Variants in SON observed in about 807,000 individuals in gnomAD.
SON encodes SON DNA and RNA binding protein.
A neutral mutation model predicts 173.3 loss-of-function variants in SON; 4 were observed. That is an observed-to-expected ratio of 0.02 (90% CI 0.01 to 0.05). The LOEUF (loss-of-function observed/expected upper bound fraction) is 0.05. Ranked by LOEUF, SON falls within the 10% of genes least tolerant of loss-of-function variation. The pLI is 1.00. For missense variants in SON, 2,626 were observed against 3,055.3 expected (o/e 0.86, Z 3.31); for synonymous variants, 1,190 against 1,105.9 (o/e 1.08, Z -1.51).
chr21:33,549,081 GTT>G (rs759188167), intron 2 of SON, among the ~76,000 whole-genome samples: 2 of 141,214 alleles, frequency 1.4e-5, no homozygotes. Flanking sequence ...ATACTGTGGG[GTT>G]TTTTTTTTTT....
chr21:33,561,012 A>C (rs2086061176), intron 6 of SON: 1 of 152,178 alleles, frequency 6.6e-6, no homozygotes, highest in Non-Finnish European at 1.5e-5. Context: ...TGATAGCAGT[A>C]CTTTTCTCCC....
In SON at chr21:33,554,051, G is replaced by A; in HGVS notation, c.4820G>A (p.Gly1607Glu). ...TTTGCTCTGGAACCTGATGCAACAG[G>A]AACTAGTAAGGGTATTGAATTTACC... ...GPFALEPDAT[G>E]TSKGIEFTTA... The change falls in exon 3 of 12, where the codon GGA becomes GAA. Residue 1607 changes from glycine to glutamate, a missense_variant. Physicochemically the swap from Gly to Glu is moderately conservative, Grantham distance 98. Around this residue, in one of 13 missense-constraint regions of SON, gnomAD observed 1,006 missense variants for 895.6 expected, o/e 1.12. Transcript: ENST00000356577. The A allele has an allele frequency of 6.2e-7, 1 of 1,614,064 alleles. No individual in the cohort carries two copies.
intron 2 of SON, among the ~76,000 whole-genome samples, chr21:33,547,668 G>A (rs1390227607): frequency 6.8e-6 from 1 of 147,842 alleles, no homozygotes; most frequent in African/African-American, 2.5e-5. Context: ...GTTTTGCTTT[G>A]GCCTATGTCA....
Position 33,553,956 on chromosome 21 carries a change from C to G in SON, c.4725C>G (p.Arg1575=), listed in dbSNP as rs745477787. ...KILPTSETKQ[R]TVLDTYPGVS... is the part of the protein sequence containing the mutation. The stretch of plus-strand genomic sequence containing the variant: ...TGCCCACCAGTGAGACTAAACAGCG[C>G]ACAGTATTGGATACCTACCCTGGTG... Residue 1575 remains arginine (R), a synonymous_variant, in exon 3 of 12, where the codon CGC becomes CGG. Coordinates refer to ENST00000356577, the MANE Select transcript of SON (RefSeq NM_138927.4). 9 of 1,614,110 alleles carry G rather than the reference C, an allele frequency of 5.6e-6. No individual in the cohort carries two copies. The highest frequency in any genetic ancestry group is 7.6e-6 in the Non-Finnish European group (9 of 1,179,996).
Position 33,559,835 on chromosome 21 carries a change from G to A in SON, c.6657+60G>A. 2 of 1,605,040 alleles carry A rather than the reference G, an allele frequency of 1.2e-6. No individual in the cohort carries two copies. Among genetic ancestry groups the A allele is most frequent in the African/African-American group, 1.3e-5 (1 of 74,732 alleles). On this transcript the variant is annotated intron_variant, in intron 6 of 11. Transcript: ENST00000356577. This position sits in a 1 kb window ranked among gnomAD's most constrained non-coding sequence, Gnocchi z 4.1. Reference sequence around the variant, plus strand: ...TTATACCTGAATCTGCCATTTCATTGTTATGTTATGTCTGATTTGGATTCT... The same window carrying A: ...TTATACCTGAATCTGCCATTTCATTATTATGTTATGTCTGATTTGGATTCT...
intron 4 of SON, 41 bp downstream of exon 4, chr21:33,557,357 T>C (rs756304671): frequency 6.2e-7 from 1 of 1,607,012 alleles, no homozygotes; most frequent in East Asian, 2.2e-5. Flanking sequence ...AAATGGATTA[T>C]TCCAGTGATG....
intron 6 of SON, among the ~76,000 whole-genome samples, chr21:33,561,950 T>C (rs1441554286): frequency 6.6e-6 from 1 of 152,184 alleles, no homozygotes; most frequent in East Asian, 1.9e-4. Context: ...TATGTAACTA[T>C]TTGATATAAA....
chr21:33,561,669 C>G (rs1285148175), intron 6 of SON, among the ~76,000 whole-genome samples: 1 of 152,074 alleles, frequency 6.6e-6, no homozygotes, highest in Non-Finnish European at 1.5e-5. Flanking sequence ...AAATTTAGTA[C>G]TCAGCCATTT....
At chr21:33,561,254 T>C (rs1004984121) in intron 6 of SON, among the ~76,000 whole-genome samples, 1 of 152,182 alleles carries the variant, frequency 6.6e-6, no homozygotes, top group Non-Finnish European at 1.5e-5. Context: ...ACCATTTGAG[T>C]TGTTAATCCC....
At chr21:33,566,805 T>A (rs1418628564) in intron 6 of SON, among the ~76,000 whole-genome samples, 1 of 152,094 alleles carries the variant, frequency 6.6e-6, no homozygotes, top group Non-Finnish European at 1.5e-5. Context: ...GTTCAAAAAA[T>A]TTGCAGTTTA....
chr21:33,574,826 G>T (rs1177550701), intron 9 of SON, among the ~76,000 whole-genome samples: 2 of 152,164 alleles, frequency 1.3e-5, no homozygotes, highest in Non-Finnish European at 2.9e-5. Flanking sequence ...GGAGAGAGAG[G>T]TTATGTAGAA....
intron 8 of SON, chr21:33,572,530 C>T: frequency 3.1e-6 from 4 of 1,292,960 alleles, no homozygotes; most frequent in Non-Finnish European, 4.1e-6. Flanking sequence ...TTTCACCCCT[C>T]TGTATGGAAA....
intron 8 of SON, chr21:33,569,570 C>T (rs544175780): frequency 2.2e-6 from 1 of 453,144 alleles, no homozygotes; most frequent in South Asian, 1.6e-5. Context: ...CCACCCGCTT[C>T]ATTAGTGCCT....
chr21:33,569,709 T>G, intron 8 of SON: 1 of 406,134 alleles, frequency 2.5e-6, no homozygotes. Context: ...GCTCTGCATG[T>G]GGTGATCTTG....
At chr21:33,558,950 T>C (rs2086018086) in intron 4 of SON, 1 of 228,032 alleles carries the variant, frequency 4.4e-6, no homozygotes, top group Admixed American at 5.8e-5. Flanking sequence ...GCAGGGACCA[T>C]GTCTTCTACT....
Position 33,573,431 on chromosome 21 carries a change from G to C in SON, c.7009G>C (p.Val2337Leu). ...NKEGNKEPILVDFKTDRKGLV... is the reference protein window; with the variant it reads ...NKEGNKEPILLDFKTDRKGLV... ...AGAAGGCAATAAGGAACCCATCCTAGTTGATTTTAAGACAGACCGAAAAGG... is the reference window on the plus strand; with the variant it reads ...AGAAGGCAATAAGGAACCCATCCTACTTGATTTTAAGACAGACCGAAAAGG... Residue 2337 changes from valine (V) to leucine (L), a missense_variant, in exon 9 of 12, where the codon GTT becomes CTT. Val to Leu is a conservative substitution (Grantham distance 32). Around this residue, in one of 13 missense-constraint regions of SON, gnomAD observed 9 missense variants for 100.5 expected, o/e 0.09. Coordinates refer to ENST00000356577, the MANE Select transcript of SON (RefSeq NM_138927.4). The C allele has an allele frequency of 6.2e-7, 1 of 1,613,406 alleles. No homozygotes were observed. The highest frequency in any genetic ancestry group is 1.3e-5 in the African/African-American group (1 of 74,994).
At position 33,552,919 on chromosome 21, in the gene SON, T is replaced by G. The variant is rs1344722561; in HGVS notation, c.3688T>G (p.Tyr1230Asp). The G allele has an allele frequency of 6.2e-7, 1 of 1,614,160 alleles. No homozygotes were observed. Among genetic ancestry groups the G allele is most frequent in the South Asian group, 1.1e-5 (1 of 91,082 alleles). The change falls in exon 3 of 12, where the codon TAT becomes GAT. Residue 1230 changes from tyrosine to aspartate, a missense_variant. By Grantham distance (160) the Tyr-to-Asp change is radical. Transcript: ENST00000356577. The surrounding 1 kb of genome is among the most constrained non-coding windows in gnomAD (Gnocchi z 5.6). ...GGAGCCTTCAGCAGTGCCTACTGAT[T>G]ATTCAGTGTCAGCATCAGATCCCTC... is the stretch of plus-strand genomic sequence containing the variant. ...ISEPSAVPTD[Y>D]SVSASDPSVL...
In SON at chr21:33,550,466, C is replaced by G; in HGVS notation, c.1235C>G (p.Pro412Arg). The G allele has an allele frequency of 6.2e-7, 1 of 1,613,926 alleles. No individual in the cohort carries two copies. The highest frequency in any genetic ancestry group is 1.3e-5 in the African/African-American group (1 of 75,022). ...GAGTTACCTGGGCCCTCTGCTACCC[C>G]GGTGCCAGAGTTGCCAGGGCCCCTT... ...VLELPGPSAT[P>R]VPELPGPLST... Residue 412 changes from proline (P) to arginine (R), a missense_variant, in exon 3 of 12, where the codon CCG (proline) becomes CGG (arginine). This residue lies in a region of SON where 757 missense variants were observed against 730.1 expected (regional missense o/e 1.04). Transcript: ENST00000356577.
At chr21:33,575,386 C>G in intron 9 of SON, 1 of 433,854 alleles carries the variant, frequency 2.3e-6, no homozygotes. Flanking sequence ...TACAATTTCT[C>G]ATACCAAGAT....
Sources: allele counts gnomAD v4.1 joint callset (sites outside exome capture counted in the v4.1 genomes callset), GRCh38; gene constraint gnomAD v4.1.1; regional missense constraint gnomAD v4.1.1; non-coding constraint Gnocchi (gnomAD v3.1); transcripts MANE v1.5; gene names NCBI Gene and HGNC (gene_info 2026-07-23, HGNC 2026-07-21).